FOXRED1: variants seen among roughly 807,000 people sequenced by gnomAD.
The protein encoded by FOXRED1 is FAD dependent oxidoreductase domain containing 1.
Under a neutral mutation model 57.8 loss-of-function variants are expected in FOXRED1, and 52 were observed. The ratio of observed to expected loss-of-function variants is 0.90; its 90% confidence interval spans 0.72 to 1.13. FOXRED1 has a LOEUF of 1.13. Among genes scored for constraint, FOXRED1 ranks in the 50% most tolerant of loss-of-function variants. FOXRED1 has a pLI of 0.00. For missense variants in FOXRED1, 589 were observed against 625.2 expected (o/e 0.94, Z 0.62); for synonymous variants, 271 against 248.3 (o/e 1.09, Z -0.86).
At chr11:126,269,522 C>G (rs1950914899) in intron 1 of FOXRED1, 2 of 739,402 alleles carry the variant, frequency 2.7e-6, no homozygotes, top group East Asian at 5.4e-5. Flanking sequence ...AGCTTACAGT[C>G]AGACTGATTG....
chr11:126,271,898 G>A lies in FOXRED1; in HGVS notation c.306+241G>A, dbSNP rs913029241. ...CAGATATCACCATATTGGATTTTTC[G>A]AGATCTCATAGCTCTGGTCATGAGA... On this transcript the variant is annotated intron_variant, in intron 2 of 10. Transcript: ENST00000263578. This position sits in a 1 kb window ranked among gnomAD's most constrained non-coding sequence, Gnocchi z 5.3. The A allele has an allele frequency of 1.4e-5, 7 of 513,816 alleles. No homozygotes were observed. The highest frequency in any genetic ancestry group is 1.0e-4 in the South Asian group (5 of 49,956). 31.8% of individuals were successfully genotyped at this position (513,816 alleles called of 1,614,324 possible).
chr11:126,270,169 A>AAATATTGT, intron 1 of FOXRED1, among the ~76,000 whole-genome samples: 1 of 152,148 alleles, frequency 6.6e-6, no homozygotes, highest in Non-Finnish European at 1.5e-5. Context: ...ACTAGGAGAA[A>AAATATTGT]AATATTGTTC....
chr11:126,275,341 G>C lies in FOXRED1; in HGVS notation c.646G>C (p.Gly216Arg). The C allele has an allele frequency of 6.2e-7, 1 of 1,612,936 alleles. No individual in the cohort carries two copies. Among genetic ancestry groups the C allele is most frequent in the Non-Finnish European group, 8.5e-7 (1 of 1,178,924 alleles). The change falls in exon 6 of 11, where the codon GGT becomes CGT. Residue 216 changes from glycine to arginine, a missense_variant. Transcript: ENST00000263578. This position sits in a 1 kb window ranked among gnomAD's most constrained non-coding sequence, Gnocchi z 5.9. The part of the protein sequence containing the change: ...ALASYGMEDE[G>R]WFDPWCLLQG... ...TCTTATCACAGGGATGGAGGACGAA[G>C]GTTGGTTTGACCCCTGGTGTCTGCT... is the stretch of plus-strand genomic sequence containing the variant.
At position 126,275,471 on chromosome 11, in the gene FOXRED1, T is replaced by C. The variant is rs779224050; in HGVS notation, c.733+43T>C. 1.5e-6 allele frequency: 2 copies of C among 1,329,344 alleles called. No individual in the cohort carries two copies. Among genetic ancestry groups the C allele is most frequent in the African/African-American group, 1.4e-5 (1 of 69,658 alleles). 82.3% of individuals were successfully genotyped at this position (1,329,344 alleles called of 1,614,324 possible). On this transcript the variant is annotated intron_variant, in intron 6 of 10. Transcript: ENST00000263578. This position sits in a 1 kb window ranked among gnomAD's most constrained non-coding sequence, Gnocchi z 5.9. ...TCCTCTAGCAACCGGGGCATAGGCC[T>C]AGACTAGGTCTTATCTTCTCACTCA...
rs1377107023 is a variant in FOXRED1 at position 126,277,362 on chromosome 11, G to A, written c.1207-73G>A. The A allele has an allele frequency of 9.6e-6, 15 of 1,559,002 alleles. No individual in the cohort carries two copies. Among genetic ancestry groups the A allele is most frequent in the Admixed American group, 1.7e-5 (1 of 59,932 alleles). On this transcript the variant is annotated intron_variant, in intron 10 of 10. Transcript: ENST00000263578. The surrounding 1 kb of genome is among the most constrained non-coding windows in gnomAD (Gnocchi z 6.8). ...CAGCAGGTAGAGGGTACTCTGTGCT[G>A]AGCCCTGAGGGGAGTGAGGATGGAG...
At position 126,275,224 on chromosome 11, in the gene FOXRED1, C is replaced by T; in HGVS notation, c.632-103C>T. On this transcript the variant is annotated intron_variant, in intron 5 of 10. Transcript: ENST00000263578. The surrounding 1 kb of genome is among the most constrained non-coding windows in gnomAD (Gnocchi z 5.9). ...TGGTTCAGTTGGTTAAGATGACCTT[C>T]CCCGGCTTACAAGCCCTAGAGAGGG... 1.1e-6 allele frequency: 1 copy of T among 950,200 alleles called. No homozygotes were observed. Among genetic ancestry groups the T allele is most frequent in the Admixed American group, 1.8e-5 (1 of 54,604 alleles). The allele number at this position is 950,200 out of a possible 1,614,324, so 58.9% of individuals were successfully genotyped here.
Position 126,277,733 on chromosome 11 carries a change from G to A in FOXRED1, c.*44G>A. On this transcript the variant is annotated 3_prime_UTR_variant, in exon 11 of 11. Coordinates refer to ENST00000263578, the MANE Select transcript of FOXRED1 (RefSeq NM_017547.4). The surrounding 1 kb of genome is among the most constrained non-coding windows in gnomAD (Gnocchi z 6.8). ...GGCTCCACTGGCTTGCATCCTGGCT[G>A]TGTTCACAGCCTTGTTTGCTGCTTC... 6.2e-7 allele frequency: 1 copy of A among 1,606,084 alleles called. No homozygotes were observed. The highest frequency in any genetic ancestry group is 8.5e-7 in the Non-Finnish European group (1 of 1,173,868).
intron 1 of FOXRED1, chr11:126,270,805 C>G (rs1316251087): frequency 6.4e-6 from 1 of 156,758 alleles, no homozygotes; most frequent in Non-Finnish European, 1.4e-5. Context: ...ATATTGTAAA[C>G]ATGTTCACAG....
chr11:126,269,820 C>T (rs772467592), intron 1 of FOXRED1, among the ~76,000 whole-genome samples: 2 of 151,884 alleles, frequency 1.3e-5, no homozygotes, highest in Non-Finnish European at 2.9e-5. Context: ...AACACCGTCT[C>T]TACTAAAAAT....
Position 126,273,557 on chromosome 11 carries a change from C to G in FOXRED1, c.536+103C>G. The G allele has an allele frequency of 1.2e-6, 1 of 816,190 alleles. No individual in the cohort carries two copies. 50.6% of individuals were successfully genotyped at this position (816,190 alleles called of 1,614,324 possible). ...GAAAGTGGAGTTGATAAGACAGATCCCTGCGGTCTAGGACCTCAGTGTGTC... is the reference window on the plus strand; with the variant it reads ...GAAAGTGGAGTTGATAAGACAGATCGCTGCGGTCTAGGACCTCAGTGTGTC... On this transcript the variant is annotated intron_variant, in intron 4 of 10. Coordinates refer to ENST00000263578, the MANE Select transcript of FOXRED1 (RefSeq NM_017547.4). The surrounding 1 kb of genome is among the most constrained non-coding windows in gnomAD (Gnocchi z 5.9).
rs1291928024 is a variant in FOXRED1, at chr11:126,273,584, G to A, written c.536+130G>A. 1.4e-6 allele frequency: 1 copy of A among 732,392 alleles called. No homozygotes were observed. Among genetic ancestry groups the A allele is most frequent in the African/African-American group, 1.7e-5 (1 of 58,176 alleles). The allele number at this position is 732,392 out of a possible 1,614,324, so 45.4% of individuals were successfully genotyped here. ...TGCGGTCTAGGACCTCAGTGTGTCA[G>A]GAAGAAAATACACAGACCTGCAATG... On this transcript the variant is annotated intron_variant, in intron 4 of 10. Coordinates refer to ENST00000263578, the MANE Select transcript of FOXRED1 (RefSeq NM_017547.4). The surrounding 1 kb of genome is among the most constrained non-coding windows in gnomAD (Gnocchi z 5.9).
In FOXRED1 at chr11:126,275,176, T is replaced by C. The variant is rs1456475125; in HGVS notation, c.632-151T>C. 1 of 805,016 alleles carries C rather than the reference T, an allele frequency of 1.2e-6. No homozygotes were observed. The highest frequency in any genetic ancestry group is 1.7e-5 in the African/African-American group (1 of 59,040). The allele number at this position is 805,016 out of a possible 1,614,324, so 49.9% of individuals were successfully genotyped here. On this transcript the variant is annotated intron_variant, in intron 5 of 10. Transcript: ENST00000263578. This position sits in a 1 kb window ranked among gnomAD's most constrained non-coding sequence, Gnocchi z 5.9. ...TGCCCTGGGCCGTGGTAGTTCTCTG[T>C]CCTTCATCAGGCTTTGTCTCTGTGG...
At position 126,271,266 on chromosome 11, in the gene FOXRED1, G is replaced by A; in HGVS notation, c.86-171G>A. 3 of 667,296 alleles carry A rather than the reference G, an allele frequency of 4.5e-6. No homozygotes were observed. The highest frequency in any genetic ancestry group is 8.2e-6 in the Non-Finnish European group (3 of 365,304). The allele number at this position is 667,296 out of a possible 1,614,324, so 41.3% of individuals were successfully genotyped here. A position where few individuals can be genotyped will look rare whatever the true frequency, so the allele number is the denominator to read the frequency against. ...AGACTGATGGCATGTGGACTATTCA[G>A]AAAACTGTGGCAACACTGTTGGGTG... On this transcript the variant is annotated intron_variant, in intron 1 of 10. Transcript: ENST00000263578. This position sits in a 1 kb window ranked among gnomAD's most constrained non-coding sequence, Gnocchi z 5.3.
In FOXRED1 at chr11:126,269,408, G is replaced by T. The variant is rs749178954; in HGVS notation, c.85+117G>T. The stretch of plus-strand genomic sequence containing the variant: ...CTGGCAGGACAGTGGGTCGGCTTGG[G>T]GAAGGGGGTTAGCTTACCTACCAGA... On this transcript the variant is annotated intron_variant, in intron 1 of 10. Coordinates refer to ENST00000263578, the MANE Select transcript of FOXRED1 (RefSeq NM_017547.4). The T allele has an allele frequency of 1.0e-5, 16 of 1,581,322 alleles. No individual in the cohort carries two copies. In the African/African-American group the frequency reaches 2.0e-4, roughly 20 times the overall value.
At chr11:126,269,475 C>T (rs1240450321) in intron 1 of FOXRED1, 184 bp downstream of exon 1, 9 of 1,105,550 alleles carry the variant, frequency 8.1e-6, no homozygotes, top group Non-Finnish European at 1.2e-5. Context: ...CAAGGCGGCC[C>T]TTTTCAGGTG....
rs60892467 is a variant in FOXRED1 at position 126,274,645 on chromosome 11, G to GA, written c.537-269dup. 19,300 of 336,086 alleles carry GA rather than the reference G, an allele frequency of 0.057. No homozygotes were observed. Among genetic ancestry groups the GA allele is most frequent in the South Asian group, 0.084 (3,173 of 37,558 alleles). The allele number at this position is 336,086 out of a possible 1,614,324, so 20.8% of individuals were successfully genotyped here. A position where few individuals can be genotyped will look rare whatever the true frequency, so the allele number is the denominator to read the frequency against. On this transcript the variant is annotated intron_variant, in intron 4 of 10. Coordinates refer to ENST00000263578, the MANE Select transcript of FOXRED1 (RefSeq NM_017547.4). This position sits in a 1 kb window ranked among gnomAD's most constrained non-coding sequence, Gnocchi z 4.8. ...CCTGGGTGACAGAGCCAGACTCATT[G>GA]AAAAAAAAAAAAAGAAGTCATGGAA...
In FOXRED1 at chr11:126,272,942, A is replaced by G. The variant is rs761834891; in HGVS notation, c.307-27A>G. ...GTCACATGTGATAGGGTACTGGTCT[A>G]CCTCAACTTTTCTTGTCTTTCCACA... On this transcript the variant is annotated intron_variant, in intron 2 of 10. Coordinates refer to ENST00000263578, the MANE Select transcript of FOXRED1 (RefSeq NM_017547.4). This position sits in a 1 kb window ranked among gnomAD's most constrained non-coding sequence, Gnocchi z 4.6. 31 of 1,089,602 alleles carry G rather than the reference A, an allele frequency of 2.8e-5. No individual in the cohort carries two copies. Among genetic ancestry groups the G allele is most frequent in the Non-Finnish European group, 4.1e-5 (29 of 700,626 alleles). 67.5% of individuals were successfully genotyped at this position (1,089,602 alleles called of 1,614,324 possible).
Position 126,273,027 on chromosome 11 carries a change from C to T in FOXRED1, c.365C>T (p.Pro122Leu). Residue 122 changes from proline to leucine, a missense_variant, in exon 3 of 11, where the codon CCT becomes CTT. Transcript: ENST00000263578. This position sits in a 1 kb window ranked among gnomAD's most constrained non-coding sequence, Gnocchi z 5.9. ...GGGATTTGTCAGCAGTTCTCATTGC[C>T]TGAGAACATCCAGCTCTCCCTCTTT... is the stretch of plus-strand genomic sequence containing the variant. ...VGGICQQFSL[P>L]ENIQLSLFSA... The T allele has an allele frequency of 1.9e-6, 3 of 1,607,146 alleles. No homozygotes were observed. The highest frequency in any genetic ancestry group is 1.7e-6 in the Non-Finnish European group (2 of 1,173,618).
rs953247159 is a variant in FOXRED1, at chr11:126,275,665, T to G, written c.734-129T>G. ...CCAAGCTCATGCCAGCTCCCTCATCTCTGTTTGCTTCAGTGTCTGTGGGAA... is the reference window on the plus strand; with the variant it reads ...CCAAGCTCATGCCAGCTCCCTCATCGCTGTTTGCTTCAGTGTCTGTGGGAA... On this transcript the variant is annotated intron_variant, in intron 6 of 10. Transcript: ENST00000263578. This position sits in a 1 kb window ranked among gnomAD's most constrained non-coding sequence, Gnocchi z 5.9. 8.0e-6 allele frequency: 6 copies of G among 753,896 alleles called. No homozygotes were observed. The highest frequency in any genetic ancestry group is 2.0e-5 in the Admixed American group (1 of 50,016). The allele number at this position is 753,896 out of a possible 1,614,324, so 46.7% of individuals were successfully genotyped here. A position where few individuals can be genotyped will look rare whatever the true frequency, so the allele number is the denominator to read the frequency against.
Sources: gnomAD v4.1 joint callset for allele counts (sites outside exome capture counted in the v4.1 genomes callset) on GRCh38, gnomAD v4.1.1 for gene constraint, Gnocchi (gnomAD v3.1) non-coding constraint, MANE v1.5 for transcripts, NCBI Gene and HGNC (gene_info 2026-07-23, HGNC 2026-07-21) for gene names.